DENND4C: variants seen among roughly 807,000 people sequenced by gnomAD.
The protein encoded by DENND4C is DENN domain containing 4C, also known as DENN domain-containing protein 4C.
A neutral mutation model predicts 203.0 loss-of-function variants in DENND4C; 108 were observed. That is an observed-to-expected ratio of 0.53 (90% CI 0.46 to 0.62). The LOEUF (loss-of-function observed/expected upper bound fraction) is 0.62, where lower values mean the gene tolerates loss of function less well. Ranked by LOEUF, DENND4C falls within the 20% of genes least tolerant of loss-of-function variation. The pLI, the probability that DENND4C is intolerant of heterozygous loss-of-function variation, is 0.00. For synonymous variants in DENND4C, 871 were observed against 792.4 expected (o/e 1.10, Z -1.67); for missense variants, 2,481 against 2,301.2 (o/e 1.08, Z -1.60).
Position 19,286,880 on chromosome 9 carries a change from C to T in DENND4C, c.417C>T (p.Ile139=). Residue 139 remains isoleucine (I), a synonymous_variant, in exon 3 of 33, where the codon ATC becomes ATT. Coordinates refer to ENST00000434457, the MANE Select transcript of DENND4C (RefSeq NM_001330640.2). The stretch of plus-strand genomic sequence containing the variant: ...ATAGTTCAACTACTTCACAAAGAAT[C>T]TTTATCACTTATCGAAGGGCTCCTC... ...VNNSSTTSQR[I]FITYRRAPPV... is the part of the protein sequence containing the mutation. The T allele has an allele frequency of 1.6e-6, 2 of 1,232,146 alleles. No individual in the cohort carries two copies. The highest frequency in any genetic ancestry group is 2.0e-6 in the Non-Finnish European group (2 of 987,956). 76.3% of individuals were successfully genotyped at this position (1,232,146 alleles called of 1,614,324 possible). A position where few individuals can be genotyped will look rare whatever the true frequency, so the allele number is the denominator to read the frequency against.
chr9:19,346,742 A>C lies in DENND4C; in HGVS notation c.3973A>C (p.Arg1325=). Residue 1325 remains arginine (R), a synonymous_variant, in exon 23 of 33, where the codon AGA becomes CGA. Transcript: ENST00000434457. ...TTAFIHALER[R]SSLPLDHGSP... is the part of the protein sequence containing the mutation. ...TGCATTTATTCATGCTCTAGAGAGG[A>C]GATCAAGCCTACCTTTAGATCATGG... is the stretch of plus-strand genomic sequence containing the variant. 1 of 1,614,170 alleles carries C rather than the reference A, an allele frequency of 6.2e-7. No individual in the cohort carries two copies. Among genetic ancestry groups the C allele is most frequent in the Non-Finnish European group, 8.5e-7 (1 of 1,180,006 alleles).
At chr9:19,267,787 C>T (rs1340951754) in intron 1 of DENND4C, among the ~76,000 whole-genome samples, 2 of 152,138 alleles carry the variant, frequency 1.3e-5, no homozygotes, top group African/African-American at 4.8e-5. Flanking sequence ...AATCCTCCTG[C>T]ATCAGCCTCC....
intron 1 of DENND4C, among the ~76,000 whole-genome samples, chr9:19,260,880 C>G (rs1829184180): frequency 6.6e-6 from 1 of 152,058 alleles, no homozygotes. Flanking sequence ...ATCAAGAAAT[C>G]CGGTCTGGAT....
At chr9:19,341,497 A>AC (rs1458078380) in intron 21 of DENND4C, among the ~76,000 whole-genome samples, 3 of 151,402 alleles carry the variant, frequency 2.0e-5, no homozygotes, top group Non-Finnish European at 4.4e-5. Flanking sequence ...TTTTGTAGAG[A>AC]CAAGGTCTCA....
intron 1 of DENND4C, 51 bp from the exon 2 acceptor site, chr9:19,276,107 G>T (rs1832862294): frequency 3.1e-6 from 3 of 965,146 alleles, no homozygotes; most frequent in Admixed American, 8.6e-5. Flanking sequence ...ATTAATTTTT[G>T]TCAGGATAAA....
intron 1 of DENND4C, among the ~76,000 whole-genome samples, chr9:19,237,359 T>C (rs1029683803): frequency 1.1e-4 from 17 of 151,700 alleles, no homozygotes; most frequent in Non-Finnish European, 2.5e-4. Flanking sequence ...TGTTTGTGTT[T>C]TTTTGTTTTT....
At chr9:19,304,384 A>G (rs888656430) in intron 9 of DENND4C, among the ~76,000 whole-genome samples, 2 of 151,590 alleles carry the variant, frequency 1.3e-5, no homozygotes, top group African/African-American at 4.8e-5. Flanking sequence ...TGGTTTGTAC[A>G]TCTTGGCCAG....
In DENND4C at chr9:19,286,826, A is replaced by G; in HGVS notation, c.363A>G (p.Thr121=). The G allele has an allele frequency of 8.1e-7, 1 of 1,232,130 alleles. No individual in the cohort carries two copies. Among genetic ancestry groups the G allele is most frequent in the Non-Finnish European group, 1.0e-6 (1 of 987,940 alleles). The allele number at this position is 1,232,130 out of a possible 1,614,324, so 76.3% of individuals were successfully genotyped here. The change falls in exon 3 of 33, where the codon ACA becomes ACG. Residue 121 remains threonine (T), a synonymous_variant. Transcript: ENST00000434457. ...LIPGCEVILA[T]PYGRCANVNN... ...CAGGATGTGAAGTGATCCTAGCCAC[A>G]CCCTATGGTCGCTGTGCCAATGTCA...
intron 30 of DENND4C, among the ~76,000 whole-genome samples, chr9:19,366,501 G>C (rs1827714435): frequency 6.6e-6 from 1 of 152,168 alleles, no homozygotes; most frequent in African/African-American, 2.4e-5. Context: ...CTAGTCGGGA[G>C]GCTGAGGCAG....
At chr9:19,239,128 C>T (rs1214611516) in intron 1 of DENND4C, among the ~76,000 whole-genome samples, 1 of 151,330 alleles carries the variant, frequency 6.6e-6, no homozygotes, top group Non-Finnish European at 1.5e-5. Flanking sequence ...ATGTTTTTTC[C>T]CTCTACTTCC....
chr9:19,296,290 T>C (rs770602827), intron 6 of DENND4C, 44 bp downstream of exon 6: 3 of 1,265,974 alleles, frequency 2.4e-6, no homozygotes, highest in Non-Finnish European at 3.4e-6. Context: ...AAACTGGGTA[T>C]ATAAATATAT....
Position 19,293,508 on chromosome 9 carries a change from C to T in DENND4C, c.802-2500C>T, listed in dbSNP as rs114539728. ...GTATCTGGGAATGTGTGTGTAAAGG[C>T]AAGGGTTCCTGTGATATATATAATG... On this transcript the variant is annotated intron_variant, in intron 5 of 32. Transcript: ENST00000434457. 6.2e-3 allele frequency among the ~76,000 whole-genome samples: 941 copies of T among 151,838 alleles called. 10 individuals carry two copies. Among genetic ancestry groups the T allele is most frequent in the African/African-American group, 0.021 (855 of 41,418 alleles).
Position 19,282,958 on chromosome 9 carries a change from A to T in DENND4C, c.306-3811A>T, listed in dbSNP as rs1218957439. On this transcript the variant is annotated intron_variant, in intron 2 of 32. Transcript: ENST00000434457. ...GGTTTTGAACTCCTGACCTCAAGTG[A>T]TCCACCCATCTTGACCTCCCAAAGT... 3.3e-5 allele frequency among the ~76,000 whole-genome samples: 5 copies of T among 151,632 alleles called. No homozygotes were observed. The South Asian group carries it at 1.0e-3, about 32-fold the overall frequency.
chr9:19,356,785 G>T (rs1825502043), intron 26 of DENND4C, among the ~76,000 whole-genome samples, 187 bp from the exon 27 acceptor site: 1 of 146,048 alleles, frequency 6.8e-6, no homozygotes, highest in Non-Finnish European at 1.5e-5. Context: ...GTGTGTGTGT[G>T]TGTGAGAGAG....
At chr9:19,256,309 G>GTTTTTTTTTTTTTTTTTTTTTTTTTTTT (rs1165191635) in intron 1 of DENND4C, among the ~76,000 whole-genome samples, 1 of 84,880 alleles carries the variant, frequency 1.2e-5, no homozygotes, top group Non-Finnish European at 2.2e-5. Context: ...TTTTTTTTTT[G>GTTTTTTTTTTTTTTTTTTTTTTTTTTTT]TTTTTTTTTT....
chr9:19,368,497 G>A (rs1828147012), intron 30 of DENND4C, among the ~76,000 whole-genome samples: 1 of 152,054 alleles, frequency 6.6e-6, no homozygotes, highest in South Asian at 2.1e-4. Flanking sequence ...GGCTGAAACA[G>A]GTAAAGATTA....
chr9:19,296,725 A>G (rs1837553344), intron 6 of DENND4C, among the ~76,000 whole-genome samples: 1 of 152,180 alleles, frequency 6.6e-6, no homozygotes, highest in Non-Finnish European at 1.5e-5. Context: ...TGGCCAAATA[A>G]TAATCCTTTG....
Position 19,350,860 on chromosome 9 carries a change from A to G in DENND4C, c.4476A>G (p.Gly1492=). 1 of 1,613,680 alleles carries G rather than the reference A, an allele frequency of 6.2e-7. No individual in the cohort carries two copies. Among genetic ancestry groups the G allele is most frequent in the Non-Finnish European group, 8.5e-7 (1 of 1,179,792 alleles). The part of the protein sequence containing the change: ...LGSSSSSGDV[G]KLHYPTGEVP... ...GTAGCAGCAGTAGTGGAGATGTAGG[A>G]AAACTGCATTATCCAACAGGTATGG... Residue 1492 remains glycine, a synonymous_variant, in exon 24 of 33, where the codon GGA becomes GGG. Coordinates refer to ENST00000434457, the MANE Select transcript of DENND4C (RefSeq NM_001330640.2).
At chr9:19,285,528 A>C (rs1022907321) in intron 2 of DENND4C, among the ~76,000 whole-genome samples, 1 of 148,072 alleles carries the variant, frequency 6.8e-6, no homozygotes, top group East Asian at 2.0e-4. Context: ...GGATTTGCCT[A>C]TTCTGGACAT....
Sources: allele counts gnomAD v4.1 joint callset (sites outside exome capture counted in the v4.1 genomes callset), GRCh38; gene constraint gnomAD v4.1.1; transcripts MANE v1.5; gene names NCBI Gene and HGNC (gene_info 2026-07-23, HGNC 2026-07-21).